The following SCAF8 variants were observed in gnomAD, a reference collection of about 807,000 sequenced individuals.
SCAF8 encodes SR-related CTD associated factor 8.
A neutral mutation model predicts 140.5 loss-of-function variants in SCAF8; 23 were observed. The observed-to-expected ratio is 0.16, with a 90% CI of 0.12 to 0.23. The LOEUF is 0.23. Among genes scored for constraint, SCAF8 ranks in the 10% least tolerant of loss-of-function variants. The probability of loss-of-function intolerance (pLI) is 1.00; values close to 1 mark genes in which losing one functional copy is unlikely to be tolerated. For missense variants in SCAF8, 1,397 were observed against 1,555.7 expected (o/e 0.90, Z 1.72); for synonymous variants, 575 against 528.9 (o/e 1.09, Z -1.20).
At chr6:154,784,535 T>C (rs1014413642) in intron 3 of SCAF8, among the ~76,000 whole-genome samples, 1 of 152,156 alleles carries the variant, frequency 6.6e-6, no homozygotes, top group African/African-American at 2.4e-5. Context: ...GTTCAGCCTA[T>C]TGGGATCAAA....
chr6:154,826,094 A>G (rs770188735), intron 17 of SCAF8, among the ~76,000 whole-genome samples: 2 of 152,180 alleles, frequency 1.3e-5, no homozygotes, highest in Non-Finnish European at 2.9e-5. Flanking sequence ...AAATTTGAGA[A>G]TGGTTGTAAT....
chr6:154,826,860 G>A (rs1778579587), intron 17 of SCAF8, among the ~76,000 whole-genome samples: 1 of 151,960 alleles, frequency 6.6e-6, no homozygotes, highest in South Asian at 2.1e-4. Context: ...AAGTAAAATG[G>A]CATATATAAA....
intron 12 of SCAF8, among the ~76,000 whole-genome samples, chr6:154,813,439 T>A (rs1289311369): frequency 2.6e-5 from 4 of 152,054 alleles, no homozygotes; most frequent in African/African-American, 9.7e-5. Flanking sequence ...GGAGGAGGCC[T>A]TAAATCCAGG....
Position 154,827,257 on chromosome 6 carries a change from T to TAG in SCAF8, c.2140+20_2140+21dup. 1 of 1,563,340 alleles carries TAG rather than the reference T, an allele frequency of 6.4e-7. No homozygotes were observed. The highest frequency in any genetic ancestry group is 8.7e-7 in the Non-Finnish European group (1 of 1,147,246). On this transcript the variant is annotated intron_variant, in intron 18 of 19. Coordinates refer to ENST00000367178, the MANE Select transcript of SCAF8 (RefSeq NM_014892.5). The stretch of plus-strand genomic sequence containing the variant: ...TACCAACATGTAAGTTTTCTACTTT[T>TAG]AGAGTTTTCTTTATTCATGGTAGTG...
At chr6:154,751,868 G>T (rs557311520) in intron 1 of SCAF8, among the ~76,000 whole-genome samples, 1 of 152,128 alleles carries the variant, frequency 6.6e-6, no homozygotes, top group Non-Finnish European at 1.5e-5. Flanking sequence ...CGTAGAACAG[G>T]ATGCCACAGA....
At chr6:154,790,905 C>A (rs971990858) in intron 4 of SCAF8, among the ~76,000 whole-genome samples, 2 of 151,998 alleles carry the variant, frequency 1.3e-5, no homozygotes, top group African/African-American at 4.8e-5. Context: ...TACTTGTTTG[C>A]AGAATAGTTA....
intron 17 of SCAF8, among the ~76,000 whole-genome samples, chr6:154,825,655 CAAAAAA>C (rs34342159): frequency 1.6e-5 from 1 of 64,354 alleles, no homozygotes; most frequent in African/African-American, 6.1e-5. Context: ...GACCTTGTCT[CAAAAAA>C]AAAAAAAAAA....
At chr6:154,788,384 C>T (rs1253721055) in intron 4 of SCAF8, among the ~76,000 whole-genome samples, 5 of 152,190 alleles carry the variant, frequency 3.3e-5, no homozygotes, top group Admixed American at 6.5e-5. Flanking sequence ...CTCCTAATGA[C>T]GCCATTTCTC....
At chr6:154,765,012 T>G (rs1776520731) in intron 1 of SCAF8, among the ~76,000 whole-genome samples, 1 of 152,230 alleles carries the variant, frequency 6.6e-6, no homozygotes, top group African/African-American at 2.4e-5. Context: ...TATTGAGTGC[T>G]TGCTGTGTAC....
chr6:154,826,604 G>A lies in SCAF8; in HGVS notation c.2072-568G>A, dbSNP rs1199834095. 5.9e-5 allele frequency among the ~76,000 whole-genome samples: 9 copies of A among 152,100 alleles called. No individual in the cohort carries two copies. The East Asian group carries it at 1.2e-3, about 19-fold the overall frequency. ...TGGTATTTAAAATGATTAAGAAGCC[G>A]AGTGCCATAGTGTGTGCTTCTGGTC... On this transcript the variant is annotated intron_variant, in intron 17 of 19. Transcript: ENST00000367178.
rs1778756841 is a variant in SCAF8 at position 154,832,034 on chromosome 6, A to T, written c.2455A>T (p.Asn819Tyr). The T allele has an allele frequency of 6.2e-7, 1 of 1,613,962 alleles. No individual in the cohort carries two copies. The highest frequency in any genetic ancestry group is 1.7e-5 in the Admixed American group (1 of 59,994). Reference protein sequence around the residue: ...NSGILGVQRPNVSSNSEILGV... With the variant: ...NSGILGVQRPYVSSNSEILGV... ...TGGAATTCTGGGAGTCCAAAGACCA[A>T]ATGTATCAAGTAATTCTGAAATTCT... is the stretch of plus-strand genomic sequence containing the variant. Residue 819 changes from asparagine (N) to tyrosine (Y), a missense_variant, in exon 20 of 20, where the codon AAT becomes TAT. Asn to Tyr is a moderately radical substitution (Grantham distance 143). This residue lies in a region of SCAF8 where 930 missense variants were observed against 874.6 expected (regional missense o/e 1.06). Transcript: ENST00000367178.
At position 154,772,021 on chromosome 6, in the gene SCAF8, C is replaced by T. The variant is rs549551544; in HGVS notation, c.31-1968C>T. 6.3e-4 allele frequency among the ~76,000 whole-genome samples: 96 copies of T among 152,046 alleles called. 5 individuals carry two copies. In the South Asian group the frequency reaches 0.017, roughly 27 times the overall value. Reference sequence around the variant, plus strand: ...GTATGGTGGTTAGAATTTTGAAATACGAGTTGGTAGAGGGAGAGGAGACAA... The same window carrying T: ...GTATGGTGGTTAGAATTTTGAAATATGAGTTGGTAGAGGGAGAGGAGACAA... On this transcript the variant is annotated intron_variant, in intron 1 of 19. Coordinates refer to ENST00000367178, the MANE Select transcript of SCAF8 (RefSeq NM_014892.5).
chr6:154,757,587 A>T (rs1005018475), intron 1 of SCAF8, among the ~76,000 whole-genome samples: 1 of 152,220 alleles, frequency 6.6e-6, no homozygotes, highest in African/African-American at 2.4e-5. Context: ...TTGGATACCT[A>T]ATATGTAACA....
At chr6:154,753,782 G>C (rs575446105) in intron 1 of SCAF8, among the ~76,000 whole-genome samples, 1 of 152,264 alleles carries the variant, frequency 6.6e-6, no homozygotes, top group South Asian at 2.1e-4. Flanking sequence ...AGGTGGATAG[G>C]GTGCAGGAAT....
At position 154,784,150 on chromosome 6, in the gene SCAF8, TA is replaced by T. The variant is rs1562444214; in HGVS notation, c.160-3710del. ...ATATATATATATATATATATATATA[TA>T]TATATATTTATTTATTTATTTTTCA... On this transcript the variant is annotated intron_variant, in intron 3 of 19. Coordinates refer to ENST00000367178, the MANE Select transcript of SCAF8 (RefSeq NM_014892.5). Among the ~76,000 whole-genome samples the T allele has an allele frequency of 4.4e-3, 553 of 125,652 alleles. 15 individuals carry two copies. Among genetic ancestry groups the T allele is most frequent in the South Asian group, 0.025 (98 of 3,962 alleles). 82.4% of individuals were successfully genotyped at this position (125,652 alleles called of 152,430 possible). A position where few individuals can be genotyped will look rare whatever the true frequency, so the allele number is the denominator to read the frequency against.
At chr6:154,775,672 A>T (rs1776895988) in intron 2 of SCAF8, among the ~76,000 whole-genome samples, 1 of 152,168 alleles carries the variant, frequency 6.6e-6, no homozygotes, top group Admixed American at 6.5e-5. Context: ...GGGTAGGCTG[A>T]GGCAGGAGGA....
At chr6:154,738,718 C>T (rs1329024092) in intron 1 of SCAF8, among the ~76,000 whole-genome samples, 1 of 152,208 alleles carries the variant, frequency 6.6e-6, no homozygotes, top group Non-Finnish European at 1.5e-5. Context: ...TTTAGCATTT[C>T]TTCCTAGTGA....
At chr6:154,794,415 A>G (rs1161637630) in intron 5 of SCAF8, among the ~76,000 whole-genome samples, 1 of 152,110 alleles carries the variant, frequency 6.6e-6, no homozygotes, top group Non-Finnish European at 1.5e-5. Flanking sequence ...CATGATTCCA[A>G]TTACTTGCAG....
intron 1 of SCAF8, among the ~76,000 whole-genome samples, chr6:154,741,627 G>A (rs1256106457): frequency 1.3e-5 from 2 of 151,948 alleles, no homozygotes; most frequent in African/African-American, 2.4e-5. Context: ...GGCTGATCTC[G>A]AACTCCTGAC....
Sources: gnomAD v4.1 joint callset for allele counts (sites outside exome capture counted in the v4.1 genomes callset) on GRCh38, gnomAD v4.1.1 for gene constraint, gnomAD v4.1.1 regional missense constraint, MANE v1.5 for transcripts, NCBI Gene and HGNC (gene_info 2026-07-23, HGNC 2026-07-21) for gene names.